CNOT6: variants seen among roughly 807,000 people sequenced by gnomAD.
CNOT6 encodes the protein CCR4-NOT transcription complex subunit 6.
CNOT6 carries 12 observed loss-of-function variants against 61.2 expected under a neutral mutation model. The observed-to-expected ratio is 0.20, with a 90% CI of 0.13 to 0.32. CNOT6 has a LOEUF of 0.32. Ranked by LOEUF, CNOT6 falls within the 10% of genes least tolerant of loss-of-function variation. CNOT6 has a pLI of 1.00. For missense variants in CNOT6, 405 were observed against 663.9 expected (o/e 0.61, Z 4.28); for synonymous variants, 225 against 240.6 (o/e 0.94, Z 0.60).
chr5:180,556,618 G>T lies in CNOT6; in HGVS notation c.385+3147G>T, dbSNP rs111882400. Among the ~76,000 whole-genome samples, 937 of 152,204 alleles carry T rather than the reference G, an allele frequency of 6.2e-3. 10 individuals carry two copies. Among genetic ancestry groups the T allele is most frequent in the African/African-American group, 0.022 (902 of 41,540 alleles). ...ACACTCTTATAGCCACACCTACTTT[G>T]TTCCTGCCCCAGCTCACTGCTTCTA... is the stretch of plus-strand genomic sequence containing the variant. On this transcript the variant is annotated intron_variant, in intron 4 of 11. Transcript: ENST00000261951.
intron 4 of CNOT6, among the ~76,000 whole-genome samples, chr5:180,559,856 A>T (rs1320858901): frequency 6.6e-6 from 1 of 152,190 alleles, no homozygotes; most frequent in African/African-American, 2.4e-5. Context: ...GGAAATATCA[A>T]ACCTTAGCTC....
intron 4 of CNOT6, among the ~76,000 whole-genome samples, chr5:180,555,929 T>A (rs1759863074): frequency 6.6e-6 from 1 of 152,208 alleles, no homozygotes; most frequent in South Asian, 2.1e-4. Context: ...TCTTCAAAAT[T>A]GTGCCGCAGT....
chr5:180,553,188 A>C (rs1266879040), intron 3 of CNOT6, among the ~76,000 whole-genome samples, 198 bp from the exon 4 acceptor site: 3 of 151,302 alleles, frequency 2.0e-5, no homozygotes, highest in Non-Finnish European at 4.4e-5. Flanking sequence ...CATTTTCTCT[A>C]GTAATTTGTT....
At chr5:180,539,647 T>C (rs1223626308) in intron 2 of CNOT6, among the ~76,000 whole-genome samples, 3 of 126,698 alleles carry the variant, frequency 2.4e-5, no homozygotes, top group Admixed American at 1.9e-4. Flanking sequence ...TGGAGTGCAG[T>C]GGTGTGATCT....
intron 2 of CNOT6, among the ~76,000 whole-genome samples, chr5:180,535,227 T>C (rs750609273): frequency 1.3e-5 from 2 of 152,244 alleles, no homozygotes; most frequent in Non-Finnish European, 2.9e-5. Flanking sequence ...CCGGATATAT[T>C]GTGTAGTGGC....
intron 1 of CNOT6, among the ~76,000 whole-genome samples, chr5:180,495,002 C>T (rs1268575316): frequency 1.3e-5 from 2 of 151,846 alleles, no homozygotes; most frequent in East Asian, 2.0e-4. Flanking sequence ...ACGGCGGCGG[C>T]GGCGGCGCGC....
At chr5:180,517,424 C>T (rs1327331547) in intron 1 of CNOT6, among the ~76,000 whole-genome samples, 1 of 151,606 alleles carries the variant, frequency 6.6e-6, no homozygotes, top group South Asian at 2.1e-4. Flanking sequence ...CCACTGTACC[C>T]GGCCGTTTTT....
At position 180,564,727 on chromosome 5, in the gene CNOT6, T is replaced by C. The variant is rs1011955290; in HGVS notation, c.543T>C (p.Asp181=). ...PRSWIMLQEP[D]RTRPTALFSV... is the part of the protein sequence containing the mutation. ...CTTGGATTATGTTACAAGAACCAGA[T>C]AGGACAAGGCCAACTGGTTGGTAGT... Residue 181 remains aspartate, a synonymous_variant, in exon 6 of 12, where the codon GAT becomes GAC. Transcript: ENST00000261951. 1.8e-5 allele frequency: 29 copies of C among 1,613,850 alleles called. No individual in the cohort carries two copies. The highest frequency in any genetic ancestry group is 2.5e-5 in the Non-Finnish European group (29 of 1,179,692).
chr5:180,566,661 T>C (rs1760477686), intron 7 of CNOT6, among the ~76,000 whole-genome samples: 1 of 141,528 alleles, frequency 7.1e-6, no homozygotes, highest in Non-Finnish European at 1.5e-5. Context: ...TTTTTTTTTT[T>C]TTTTTTGGGT....
chr5:180,569,423 T>C (rs971269445), intron 10 of CNOT6, 83 bp downstream of exon 10: 54 of 1,130,684 alleles, frequency 4.8e-5, no homozygotes, highest in Non-Finnish European at 6.4e-5. Context: ...CATTCCAAAT[T>C]AAGTCCAAAT....
chr5:180,513,788 C>T (rs914172259), intron 1 of CNOT6, among the ~76,000 whole-genome samples: 17 of 151,890 alleles, frequency 1.1e-4, no homozygotes, highest in African/African-American at 2.7e-4. Flanking sequence ...CTGCAAGCTC[C>T]GCCTCCTGGG....
At chr5:180,546,179 C>T (rs1759305074) in intron 2 of CNOT6, among the ~76,000 whole-genome samples, 1 of 152,114 alleles carries the variant, frequency 6.6e-6, no homozygotes, top group Non-Finnish European at 1.5e-5. Flanking sequence ...CAGGCATGAG[C>T]CACCGCACCC....
At chr5:180,506,207 G>A (rs2387288) in intron 1 of CNOT6, among the ~76,000 whole-genome samples, 16 of 151,880 alleles carry the variant, frequency 1.1e-4, no homozygotes, top group Non-Finnish European at 1.5e-5. Context: ...TCTCAGTTTC[G>A]TCTTCTATAA....
At chr5:180,563,722 A>G (rs1760307848) in intron 4 of CNOT6, among the ~76,000 whole-genome samples, 1 of 152,244 alleles carries the variant, frequency 6.6e-6, no homozygotes, top group Non-Finnish European at 1.5e-5. Context: ...TGGCATCCAG[A>G]ATAATACACA....
At chr5:180,497,139 C>A (rs1756646264) in intron 1 of CNOT6, among the ~76,000 whole-genome samples, 1 of 151,936 alleles carries the variant, frequency 6.6e-6, no homozygotes, top group Non-Finnish European at 1.5e-5. Flanking sequence ...GCAAGCCTGG[C>A]CAATATGATG....
chr5:180,519,289 G>A (rs72811168), intron 1 of CNOT6, among the ~76,000 whole-genome samples: 2 of 152,210 alleles, frequency 1.3e-5, no homozygotes, highest in South Asian at 2.1e-4. Context: ...GTGCAAGCAG[G>A]TTATCTGGGA....
intron 10 of CNOT6, among the ~76,000 whole-genome samples, chr5:180,569,701 T>C (rs540790936): frequency 6.6e-6 from 1 of 152,358 alleles, no homozygotes; most frequent in East Asian, 1.9e-4. Flanking sequence ...AGTTTAAATT[T>C]GAGTTAAAAT....
At position 180,576,503 on chromosome 5, in the gene CNOT6, T is replaced by C. The variant is rs1382005047; in HGVS notation, c.*2303T>C. ...CAATATATTTGAATTTGGGGCAGCA[T>C]ATTAAGATGTAATGGCCTGTTATGT... On this transcript the variant is annotated 3_prime_UTR_variant, in exon 12 of 12. Coordinates refer to ENST00000261951, the MANE Select transcript of CNOT6 (RefSeq NM_001370472.1). 1 of 152,662 alleles carries C rather than the reference T, an allele frequency of 6.6e-6. No individual in the cohort carries two copies. Among genetic ancestry groups the C allele is most frequent in the Non-Finnish European group, 1.5e-5 (1 of 68,038 alleles). 9.5% of individuals were successfully genotyped at this position (152,662 alleles called of 1,614,324 possible).
At chr5:180,532,062 TGTG>T (rs1758419708) in intron 2 of CNOT6, among the ~76,000 whole-genome samples, 1 of 152,128 alleles carries the variant, frequency 6.6e-6, no homozygotes, top group Non-Finnish European at 1.5e-5. Flanking sequence ...AGTAAGTAGG[TGTG>T]GTCATGGAGA....
Sources: allele counts gnomAD v4.1 joint callset (sites outside exome capture counted in the v4.1 genomes callset), GRCh38; gene constraint gnomAD v4.1.1; transcripts MANE v1.5; gene names NCBI Gene and HGNC (gene_info 2026-07-23, HGNC 2026-07-21).